Variants in FOCAD observed in about 807,000 individuals in gnomAD.
FOCAD encodes focadhesin, also known as KIAA1797.
FOCAD carries 198 observed loss-of-function variants against 225.6 expected under a neutral mutation model. That is an observed-to-expected ratio of 0.88 (90% CI 0.78 to 0.99). The LOEUF (loss-of-function observed/expected upper bound fraction) is 0.99. Ranked by LOEUF, FOCAD falls within the 50% of genes least tolerant of loss-of-function variation. The probability of loss-of-function intolerance (pLI) is 0.00; values close to 1 mark genes in which losing one functional copy is unlikely to be tolerated. For missense variants in FOCAD, 2,713 were observed against 2,123.6 expected, an observed-to-expected ratio of 1.28 and a Z score of -5.46; for synonymous variants, 897 against 755.0, an observed-to-expected ratio of 1.19 and a Z score of -3.08.
chr9:20,902,251 T>C (rs751630272), intron 21 of FOCAD, among the ~76,000 whole-genome samples: 1 of 151,878 alleles, frequency 6.6e-6, no homozygotes, highest in Non-Finnish European at 1.5e-5. Flanking sequence ...GAGGCACATA[T>C]ATACTGGAAG....
At chr9:20,705,476 A>G (rs1824306533) in intron 1 of FOCAD, among the ~76,000 whole-genome samples, 1 of 152,214 alleles carries the variant, frequency 6.6e-6, no homozygotes, top group Admixed American at 6.5e-5. Flanking sequence ...AAATATCTAA[A>G]GTATCCATTC....
At chr9:20,867,483 CT>C (rs1829391811) in intron 18 of FOCAD, among the ~76,000 whole-genome samples, 1 of 151,948 alleles carries the variant, frequency 6.6e-6, no homozygotes, top group African/African-American at 2.4e-5. Context: ...GTATCACTAT[CT>C]TTTAAGAGTT....
At chr9:20,656,410 C>T (rs963725788), upstream of FOCAD, among the ~76,000 whole-genome samples, 1 of 152,098 alleles carries the variant, frequency 6.6e-6, no homozygotes, top group African/African-American at 2.4e-5. Flanking sequence ...GTGTGGGAGT[C>T]TAAGTCTCTT....
intron 4 of FOCAD, among the ~76,000 whole-genome samples, chr9:20,724,224 TC>T (rs1826017881): frequency 2.0e-5 from 3 of 152,340 alleles, no homozygotes; most frequent in East Asian, 3.9e-4. Flanking sequence ...TAAACAGCTT[TC>T]TATTTTTTTT....
chr9:20,797,782 C>T (rs565010737), intron 11 of FOCAD, among the ~76,000 whole-genome samples: 7 of 152,170 alleles, frequency 4.6e-5, no homozygotes, highest in African/African-American at 1.2e-4. Flanking sequence ...TACAATCATG[C>T]CATCTGCAAA....
At chr9:20,880,172 G>T (rs1207850259) in intron 19 of FOCAD, among the ~76,000 whole-genome samples, 1 of 152,150 alleles carries the variant, frequency 6.6e-6, no homozygotes, top group Non-Finnish European at 1.5e-5. Flanking sequence ...GATACATTCA[G>T]ATTGAGTAAT....
chr9:20,771,891 A>T (rs1361917188), intron 8 of FOCAD, among the ~76,000 whole-genome samples: 2 of 152,162 alleles, frequency 1.3e-5, no homozygotes, highest in Non-Finnish European at 2.9e-5. Flanking sequence ...CATGATAGGG[A>T]GAGTATGAGC....
intron 35 of FOCAD, among the ~76,000 whole-genome samples, chr9:20,963,986 T>C (rs1456311300): frequency 6.6e-6 from 1 of 151,934 alleles, no homozygotes; most frequent in Non-Finnish European, 1.5e-5. Context: ...ACCTGATACC[T>C]AATAGATACT....
chr9:20,783,919 T>A (rs2131127692), intron 10 of FOCAD, among the ~76,000 whole-genome samples: 1 of 152,254 alleles, frequency 6.6e-6, no homozygotes, highest in African/African-American at 2.4e-5. Context: ...CAATGAATTA[T>A]TAGCAAGAGG....
At chr9:20,919,812 C>CA (rs1474151730) in intron 24 of FOCAD, among the ~76,000 whole-genome samples, 3 of 151,978 alleles carry the variant, frequency 2.0e-5, no homozygotes, top group African/African-American at 7.3e-5. Context: ...AAAATTAATT[C>CA]AAGATGGATT....
At chr9:20,859,407 A>G (rs1828548218) in intron 15 of FOCAD, among the ~76,000 whole-genome samples, 1 of 151,022 alleles carries the variant, frequency 6.6e-6, no homozygotes, top group South Asian at 2.1e-4. Context: ...AAAGAAAGAA[A>G]ATATTATTCT....
intron 28 of FOCAD, among the ~76,000 whole-genome samples, chr9:20,938,659 A>G (rs1167323553): frequency 1.3e-5 from 2 of 152,112 alleles, no homozygotes; most frequent in African/African-American, 2.4e-5. Flanking sequence ...CAGCACACCA[A>G]TATGGCACCT....
intron 28 of FOCAD, among the ~76,000 whole-genome samples, chr9:20,933,670 T>A (rs919439922): frequency 6.6e-6 from 1 of 152,200 alleles, no homozygotes; most frequent in African/African-American, 2.4e-5. Flanking sequence ...TGTGCTGCTA[T>A]AAACATGCAT....
intron 1 of FOCAD, among the ~76,000 whole-genome samples, chr9:20,691,827 G>T (rs1822998313): frequency 6.6e-6 from 1 of 151,892 alleles, no homozygotes; most frequent in Non-Finnish European, 1.5e-5. Context: ...AGGCTGGAGT[G>T]CACTGGCACG....
At chr9:20,944,537 T>C in intron 28 of FOCAD, 90 bp from the exon 29 acceptor site, 1 of 1,438,098 alleles carries the variant, frequency 7.0e-7, no homozygotes, top group Non-Finnish European at 9.5e-7. Context: ...CTCACCAAGG[T>C]TTGAGAGCTC....
chr9:20,820,135 C>T (rs1824159322), intron 12 of FOCAD, among the ~76,000 whole-genome samples, 189 bp from the exon 13 acceptor site: 1 of 151,912 alleles, frequency 6.6e-6, no homozygotes, highest in Non-Finnish European at 1.5e-5. Context: ...AGATTAGGTC[C>T]TTATGTCCCC....
intron 22 of FOCAD, among the ~76,000 whole-genome samples, chr9:20,909,137 A>G (rs16938207): frequency 0.015 from 2,224 of 152,222 alleles, 59 homozygotes; most frequent in African/African-American, 0.05. Flanking sequence ...CTTGCAATTG[A>G]TTAAAAAAAG....
In FOCAD at chr9:20,912,847, T is replaced by G; in HGVS notation, c.2719-19T>G. 6.2e-7 allele frequency: 1 copy of G among 1,604,120 alleles called. No individual in the cohort carries two copies. The highest frequency in any genetic ancestry group is 8.5e-7 in the Non-Finnish European group (1 of 1,171,446). ...CAGCCATCGAGTTCACATGCTGATTTATGCTGTGATTTTTGCAGGGAAGAC... is the reference window on the plus strand; with the variant it reads ...CAGCCATCGAGTTCACATGCTGATTGATGCTGTGATTTTTGCAGGGAAGAC... On this transcript the variant is annotated intron_variant, in intron 22 of 43. Coordinates refer to ENST00000338382, the MANE Select transcript of FOCAD (RefSeq NM_001375567.1).
At chr9:20,836,227 C>A (rs1825982189) in intron 15 of FOCAD, among the ~76,000 whole-genome samples, 1 of 151,976 alleles carries the variant, frequency 6.6e-6, no homozygotes. Flanking sequence ...TTTGTTTAAG[C>A]ATTTTTTAGC....
Sources: gnomAD v4.1 joint callset for allele counts (sites outside exome capture counted in the v4.1 genomes callset) on GRCh38, gnomAD v4.1.1 for gene constraint, MANE v1.5 for transcripts, NCBI Gene and HGNC (gene_info 2026-07-23, HGNC 2026-07-21) for gene names.